CTNNA2: variants seen among roughly 807,000 people sequenced by gnomAD.
CTNNA2 encodes the protein catenin alpha-2.
CTNNA2 carries 42 observed loss-of-function variants against 101.0 expected under a neutral mutation model. The ratio of observed to expected loss-of-function variants is 0.42; its 90% CI spans 0.32 to 0.54. The LOEUF is 0.54. CTNNA2 is among the 20% of genes least tolerant of loss of function. The pLI, the probability that CTNNA2 is intolerant of heterozygous loss-of-function variation, is 0.14. For missense variants in CTNNA2, 871 were observed against 1,223.1 expected, an observed-to-expected ratio of 0.71 and a Z score of 4.29; for synonymous variants, 450 against 456.4, an observed-to-expected ratio of 0.99 and a Z score of 0.18.
chr2:79,309,724 A>G (rs922675516), intron 2 of CTNNA2, among the ~76,000 whole-genome samples: 1 of 152,162 alleles, frequency 6.6e-6, no homozygotes, highest in Non-Finnish European at 1.5e-5. Flanking sequence ...GTCTGATAAC[A>G]ACTTAGTTTT....
At chr2:80,335,636 G>C (rs543118459) in intron 7 of CTNNA2, among the ~76,000 whole-genome samples, 1 of 152,260 alleles carries the variant, frequency 6.6e-6, no homozygotes, top group South Asian at 2.1e-4. Flanking sequence ...CTTGGCACCA[G>C]ATGAGAAGTT....
chr2:80,610,390 A>AT (rs1698360293), intron 17 of CTNNA2, among the ~76,000 whole-genome samples: 1 of 151,738 alleles, frequency 6.6e-6, no homozygotes, highest in Non-Finnish European at 1.5e-5. Context: ...ATTTTCAATG[A>AT]TTTTGCCAAG....
chr2:80,303,063 C>T lies in CTNNA2; in HGVS notation c.1057-90148C>T. The T allele has an allele frequency of 3.1e-6, 5 of 1,613,978 alleles. No individual in the cohort carries two copies. Among genetic ancestry groups the T allele is most frequent in the Non-Finnish European group, 4.2e-6 (5 of 1,180,028 alleles). On this transcript the variant is annotated intron_variant, in intron 7 of 18. Coordinates refer to ENST00000402739, the MANE Select transcript of CTNNA2 (RefSeq NM_001282597.3). The surrounding 1 kb of genome is among the most constrained non-coding windows in gnomAD (Gnocchi z 7.7). ...ATTTTCTCCAGGTTCCAAACCCAGTCCAGCGAGCTGACCACAATGGCCACC... is the reference window on the plus strand; with the variant it reads ...ATTTTCTCCAGGTTCCAAACCCAGTTCAGCGAGCTGACCACAATGGCCACC...
chr2:80,116,902 A>AGTGTGTGTGTGTGTGT (rs112383959), intron 7 of CTNNA2, among the ~76,000 whole-genome samples: 3,263 of 143,566 alleles, frequency 0.023, 58 homozygotes, highest in African/African-American at 0.038. Flanking sequence ...AGAAGAAAAT[A>AGTGTGTGTGTGTGTGT]GTGTGTGTGT....
At chr2:79,805,546 A>G (rs1277382683) in intron 3 of CTNNA2, among the ~76,000 whole-genome samples, 3 of 152,078 alleles carry the variant, frequency 2.0e-5, no homozygotes, top group Non-Finnish European at 4.4e-5. Flanking sequence ...CTTCTTTTAT[A>G]TTTGAATAAT....
intron 4 of CTNNA2, among the ~76,000 whole-genome samples, chr2:79,473,913 A>C (rs887271448): frequency 6.6e-6 from 1 of 152,154 alleles, no homozygotes; most frequent in Non-Finnish European, 1.5e-5. Context: ...CCAACAATTA[A>C]ATTTTATTTC....
chr2:79,291,141 C>T (rs1675797643), intron 2 of CTNNA2, among the ~76,000 whole-genome samples: 1 of 152,190 alleles, frequency 6.6e-6, no homozygotes, highest in African/African-American at 2.4e-5. Context: ...GAACTTTTCT[C>T]CTTTCACTAT....
intron 7 of CTNNA2, among the ~76,000 whole-genome samples, chr2:80,010,582 G>C (rs1334832792): frequency 6.6e-6 from 1 of 152,126 alleles, no homozygotes; most frequent in Non-Finnish European, 1.5e-5. Context: ...GGGATTGTAG[G>C]TGTGAGCCAT....
At chr2:79,578,361 C>T (rs1244967525) in intron 1 of CTNNA2, among the ~76,000 whole-genome samples, 1 of 152,186 alleles carries the variant, frequency 6.6e-6, no homozygotes, top group East Asian at 1.9e-4. Flanking sequence ...ACGGTATATT[C>T]AGACACTAAT....
chr2:79,845,142 T>G (rs1680133118), intron 3 of CTNNA2, among the ~76,000 whole-genome samples: 1 of 149,494 alleles, frequency 6.7e-6, no homozygotes, highest in African/African-American at 2.5e-5. Flanking sequence ...CCCTACATAC[T>G]CATGATTCCC....
In CTNNA2 at chr2:80,142,769, A is replaced by G. The variant is rs78989011; in HGVS notation, c.1056+232972A>G. 7.3e-4 allele frequency among the ~76,000 whole-genome samples: 111 copies of G among 152,276 alleles called. No individual in the cohort carries two copies. In the East Asian group the frequency reaches 0.02, roughly 28 times the overall value. ...TCTCTAGTGATTAAGTGGAAATGAG[A>G]GATGCGAAAGGGGCTTTACTGGCCT... On this transcript the variant is annotated intron_variant, in intron 7 of 18. Transcript: ENST00000402739.
intron 7 of CTNNA2, among the ~76,000 whole-genome samples, chr2:80,007,577 C>G (rs938724724): frequency 6.6e-6 from 1 of 152,202 alleles, no homozygotes; most frequent in African/African-American, 2.4e-5. Context: ...AAACAAGACC[C>G]CTTTCCCTGC....
intron 15 of CTNNA2, among the ~76,000 whole-genome samples, chr2:80,594,004 G>A (rs977966339): frequency 2.6e-5 from 4 of 152,064 alleles, no homozygotes; most frequent in Non-Finnish European, 5.9e-5. Context: ...AAGTGGAATT[G>A]CAGGATCATA....
At chr2:79,636,037 G>A (rs1257421779) in intron 1 of CTNNA2, among the ~76,000 whole-genome samples, 4 of 149,814 alleles carry the variant, frequency 2.7e-5, no homozygotes, top group African/African-American at 9.8e-5. Flanking sequence ...TGAGGCAGGC[G>A]GATCACGAGG....
intron 4 of CTNNA2, among the ~76,000 whole-genome samples, chr2:79,415,586 T>A (rs1678470256): frequency 6.6e-6 from 1 of 152,140 alleles, no homozygotes; most frequent in Non-Finnish European, 1.5e-5. Context: ...ACTTATTTAG[T>A]ATCTTAAGGA....
chr2:80,372,790 A>C (rs1675571195), intron 7 of CTNNA2, among the ~76,000 whole-genome samples: 1 of 151,130 alleles, frequency 6.6e-6, no homozygotes, highest in Admixed American at 6.6e-5. Flanking sequence ...ATTATGTCTC[A>C]TTTGTTAAGC....
At chr2:79,647,516 T>C (rs1680906018) in intron 1 of CTNNA2, among the ~76,000 whole-genome samples, 1 of 152,144 alleles carries the variant, frequency 6.6e-6, no homozygotes, top group Admixed American at 6.5e-5. Flanking sequence ...CAAGTTTTTT[T>C]TTTCAGTATA....
At chr2:79,813,918 C>T (rs2105349156) in intron 3 of CTNNA2, among the ~76,000 whole-genome samples, 1 of 152,226 alleles carries the variant, frequency 6.6e-6, no homozygotes, top group East Asian at 1.9e-4. Context: ...CAGGGGCATG[C>T]TCCCTCTGAA....
intron 1 of CTNNA2, among the ~76,000 whole-genome samples, chr2:79,620,041 G>A (rs773124406): frequency 3.3e-5 from 5 of 152,230 alleles, no homozygotes; most frequent in Non-Finnish European, 4.4e-5. Context: ...AAATGAGTGC[G>A]ATAGATTCTA....
Sources: gnomAD v4.1 joint callset for allele counts (sites outside exome capture counted in the v4.1 genomes callset) on GRCh38, gnomAD v4.1.1 for gene constraint, Gnocchi (gnomAD v3.1) non-coding constraint, MANE v1.5 for transcripts, NCBI Gene and HGNC (gene_info 2026-07-23, HGNC 2026-07-21) for gene names.